The following FAM135B variants were observed in gnomAD, a reference collection of about 807,000 sequenced individuals.
FAM135B encodes protein FAM135B.
FAM135B carries 43 observed loss-of-function variants against 127.7 expected under a neutral mutation model. That is an observed-to-expected ratio of 0.34 (90% CI 0.26 to 0.43). FAM135B has a LOEUF of 0.43. Ranked by LOEUF, FAM135B falls within the 20% of genes least tolerant of loss-of-function variation. FAM135B has a pLI of 1.00. For missense variants in FAM135B, 1,558 were observed against 1,725.6 expected (o/e 0.90, Z 1.72); for synonymous variants, 670 against 665.1 (o/e 1.01, Z -0.11).
chr8:138,451,334 C>A (rs12547595), intron 1 of FAM135B, among the ~76,000 whole-genome samples: 2 of 151,950 alleles, frequency 1.3e-5, no homozygotes, highest in African/African-American at 4.8e-5. Context: ...TTGCATATGC[C>A]GTATTGTTAT....
chr8:138,155,318 C>A (rs1452271254), intron 12 of FAM135B, among the ~76,000 whole-genome samples: 1 of 152,186 alleles, frequency 6.6e-6, no homozygotes, highest in Non-Finnish European at 1.5e-5. Context: ...AAAGGAACAA[C>A]CAGTACCAGC....
chr8:138,380,353 C>T (rs575891286), intron 1 of FAM135B, among the ~76,000 whole-genome samples: 19 of 152,174 alleles, frequency 1.2e-4, no homozygotes, highest in African/African-American at 2.9e-4. Context: ...CCTGCCACCA[C>T]GCCTGGCTAG....
chr8:138,142,799 A>C (rs998777958), intron 16 of FAM135B: 42 of 457,506 alleles, frequency 9.2e-5, no homozygotes, highest in Non-Finnish European at 1.5e-4. Context: ...AGAACTACAA[A>C]ATTTTTATTC....
At chr8:138,206,380 T>A (rs1586770512) in intron 7 of FAM135B, among the ~76,000 whole-genome samples, 2 of 129,322 alleles carry the variant, frequency 1.5e-5, no homozygotes, top group Non-Finnish European at 3.4e-5. Context: ...CACAACTCTA[T>A]CATCCCCTCC....
chr8:138,497,711 G>T (rs888789976), upstream of FAM135B, among the ~76,000 whole-genome samples: 2 of 152,194 alleles, frequency 1.3e-5, no homozygotes, highest in African/African-American at 2.4e-5. Flanking sequence ...GAACGTGGGG[G>T]TTCACAGACG....
At chr8:138,305,573 C>A (rs1027817022) in intron 3 of FAM135B, among the ~76,000 whole-genome samples, 1 of 152,152 alleles carries the variant, frequency 6.6e-6, no homozygotes, top group East Asian at 1.9e-4. Context: ...CATAAGCAAG[C>A]CTTTGAAGAA....
chr8:138,460,525 A>G (rs547372834), intron 1 of FAM135B, among the ~76,000 whole-genome samples: 6 of 152,108 alleles, frequency 3.9e-5, no homozygotes, highest in Non-Finnish European at 8.8e-5. Flanking sequence ...CTAACCCAAG[A>G]GCTGTTTATT....
intron 1 of FAM135B, among the ~76,000 whole-genome samples, chr8:138,473,320 T>C (rs976659279): frequency 3.9e-5 from 6 of 152,124 alleles, no homozygotes; most frequent in African/African-American, 1.2e-4. Context: ...AGCATTCCCT[T>C]ACTTAAAAAT....
intron 2 of FAM135B, among the ~76,000 whole-genome samples, chr8:138,349,830 T>C (rs1829660217): frequency 6.6e-6 from 1 of 152,192 alleles, no homozygotes; most frequent in Non-Finnish European, 1.5e-5. Context: ...AGTTCTGCAG[T>C]GAGCCAGATT....
chr8:138,132,353 T>C lies in FAM135B; in HGVS notation c.*240A>G, dbSNP rs1816278952. 4.2e-6 allele frequency: 2 copies of C among 478,298 alleles called. No homozygotes were observed. The highest frequency in any genetic ancestry group is 3.8e-6 in the Non-Finnish European group (1 of 266,100). 29.6% of individuals were successfully genotyped at this position (478,298 alleles called of 1,614,324 possible). On this transcript the variant is annotated 3_prime_UTR_variant, in exon 20 of 20. Coordinates refer to ENST00000395297, the MANE Select transcript of FAM135B (RefSeq NM_015912.4). This position sits in a 1 kb window ranked among gnomAD's most constrained non-coding sequence, Gnocchi z 4.5. Reference sequence around the variant, plus strand: ...TCTCATATTTTTCCTAGAAAACATCTTGAATGACACTCCAGGTAACTATAC... The same window carrying C: ...TCTCATATTTTTCCTAGAAAACATCCTGAATGACACTCCAGGTAACTATAC...
At position 138,149,560 on chromosome 8, in the gene FAM135B, T is replaced by C. The variant is rs140072455; in HGVS notation, c.3282-874A>G. Among the ~76,000 whole-genome samples the C allele has an allele frequency of 2.8e-3, 425 of 152,304 alleles. 1 individual carries two copies. Among genetic ancestry groups the C allele is most frequent in the African/African-American group, 9.7e-3 (403 of 41,566 alleles). Reference sequence around the variant, plus strand: ...GTCTGGTTACCTGGCAAGATGATGGTTAGGGGACTGGACTCTGGAGTCAGA... The same window carrying C: ...GTCTGGTTACCTGGCAAGATGATGGCTAGGGGACTGGACTCTGGAGTCAGA... On this transcript the variant is annotated intron_variant, in intron 13 of 19. Transcript: ENST00000395297.
chr8:138,414,115 AATAC>A (rs1554688247), intron 1 of FAM135B, among the ~76,000 whole-genome samples: 10,172 of 83,302 alleles, frequency 0.12, 787 homozygotes, highest in Admixed American at 0.34. Context: ...TTCACACACA[AATAC>A]ATATATATAT....
chr8:138,193,882 C>A (rs1193785964), intron 9 of FAM135B, among the ~76,000 whole-genome samples: 2 of 152,234 alleles, frequency 1.3e-5, no homozygotes, highest in Admixed American at 1.3e-4. Flanking sequence ...AAGCTCAGAG[C>A]CTGGATTTAA....
rs746385966 is a variant in FAM135B, at chr8:138,152,832, G to T, written c.1643C>A (p.Ala548Asp). The T allele has an allele frequency of 1.9e-6, 3 of 1,614,174 alleles. No individual in the cohort carries two copies. Among genetic ancestry groups the T allele is most frequent in the Admixed American group, 3.3e-5 (2 of 60,006 alleles). Residue 548 changes from alanine (A) to aspartate (D), a missense_variant, in exon 13 of 20, where the codon GCC becomes GAC. By Grantham distance (126) the Ala-to-Asp change is moderately radical. This residue lies in a region of FAM135B where 923 missense variants were observed against 865.3 expected (regional missense o/e 1.07). Coordinates refer to ENST00000395297, the MANE Select transcript of FAM135B (RefSeq NM_015912.4). ...TACGTCAATGTAGGTCAGCACTGGG[G>T]CCTGTCCATCCTCTGGACCTGGACT... ...RRSPGPEDGQAPVLTYIDVKS... is the reference protein window; with the variant it reads ...RRSPGPEDGQDPVLTYIDVKS...
chr8:138,177,446 T>C (rs757117012), intron 10 of FAM135B, 26 bp from the exon 11 acceptor site: 1 of 1,591,696 alleles, frequency 6.3e-7, no homozygotes, highest in Non-Finnish European at 8.6e-7. Flanking sequence ...ATGTAAACAG[T>C]TCAATTCTTT....
At chr8:138,271,899 G>A (rs576605085) in intron 3 of FAM135B, among the ~76,000 whole-genome samples, 2 of 151,872 alleles carry the variant, frequency 1.3e-5, no homozygotes, top group African/African-American at 4.8e-5. Flanking sequence ...TATGGTCTTG[G>A]GTATATGAGT....
intron 2 of FAM135B, among the ~76,000 whole-genome samples, chr8:138,321,485 G>A (rs547644317): frequency 2.1e-4 from 32 of 152,294 alleles, no homozygotes; most frequent in Admixed American, 2.0e-3. Flanking sequence ...ACGTCTGGGC[G>A]AAAATTATCT....
Position 138,482,262 on chromosome 8 carries a change from G to C in FAM135B, c.-20+14409C>G, listed in dbSNP as rs753786830. ...TATCTGCATGGGGTGAGGAAGTGTAGGGAAGAGGGAAATAGGGAAGAGCGT... is the reference window on the plus strand; with the variant it reads ...TATCTGCATGGGGTGAGGAAGTGTACGGAAGAGGGAAATAGGGAAGAGCGT... On this transcript the variant is annotated intron_variant, in intron 1 of 19. Coordinates refer to ENST00000395297, the MANE Select transcript of FAM135B (RefSeq NM_015912.4). Among the ~76,000 whole-genome samples the C allele has an allele frequency of 1.9e-4, 29 of 152,324 alleles. 1 individual carries two copies. Among genetic ancestry groups the C allele is most frequent in the Middle Eastern group, 6.8e-3 (2 of 294 alleles).
rs746980035 is a variant in FAM135B, at chr8:138,132,718, C to T, written c.4096G>A (p.Val1366Met). 8.7e-6 allele frequency: 14 copies of T among 1,614,010 alleles called. No homozygotes were observed. Among genetic ancestry groups the T allele is most frequent in the African/African-American group, 1.3e-5 (1 of 74,912 alleles). The change falls in exon 20 of 20, where the codon GTG becomes ATG. Residue 1366 changes from valine (V) to methionine (M), a missense_variant. Around this residue, in one of 5 missense-constraint regions of FAM135B, gnomAD observed 194 missense variants for 333.8 expected, o/e 0.58. Coordinates refer to ENST00000395297, the MANE Select transcript of FAM135B (RefSeq NM_015912.4). This position sits in a 1 kb window ranked among gnomAD's most constrained non-coding sequence, Gnocchi z 4.5. ...AKDCTLIRHNVFHALPNTANT... is the reference protein window; with the variant it reads ...AKDCTLIRHNMFHALPNTANT... ...GCAGTGTTGGGCAGGGCGTGGAACA[C>T]GTTGTGTCGGATTAAAGTGCAGTCC...
Sources: allele counts gnomAD v4.1 joint callset (sites outside exome capture counted in the v4.1 genomes callset), GRCh38; gene constraint gnomAD v4.1.1; regional missense constraint gnomAD v4.1.1; non-coding constraint Gnocchi (gnomAD v3.1); transcripts MANE v1.5; gene names NCBI Gene and HGNC (gene_info 2026-07-23, HGNC 2026-07-21).